Variants in KCNMA1 observed in about 807,000 individuals in gnomAD.
The protein encoded by KCNMA1 is Calcium-activated potassium channel subunit alpha-1.
A neutral mutation model predicts 140.0 loss-of-function variants in KCNMA1; 29 were observed. That is an observed-to-expected ratio of 0.21 (90% confidence interval 0.15 to 0.28). The LOEUF is 0.28. Ranked by LOEUF, KCNMA1 falls within the 10% of genes least tolerant of loss-of-function variation. The probability of loss-of-function intolerance (pLI) is 1.00; values close to 1 mark genes in which losing one functional copy is unlikely to be tolerated. For missense variants in KCNMA1, 880 were observed against 1,602.2 expected, an observed-to-expected ratio of 0.55 and a Z score of 7.70; for synonymous variants, 612 against 611.9, an observed-to-expected ratio of 1.00 and a Z score of 0.00.
At chr10:76,878,438 T>C (rs1481822144) in intron 29 of KCNMA1, among the ~76,000 whole-genome samples, 2 of 152,190 alleles carry the variant, frequency 1.3e-5, no homozygotes, top group Non-Finnish European at 2.9e-5. Flanking sequence ...CACTCTCCTG[T>C]TTCATTTGTA....
chr10:77,014,646 A>G (rs1024513297), intron 17 of KCNMA1, among the ~76,000 whole-genome samples: 2 of 152,020 alleles, frequency 1.3e-5, no homozygotes, highest in African/African-American at 4.8e-5. Flanking sequence ...TAACTTTTGT[A>G]GGTTCCACAT....
At chr10:77,456,793 T>C (rs1439786) in intron 1 of KCNMA1, among the ~76,000 whole-genome samples, 7,975 of 152,184 alleles carry the variant, frequency 0.052, 501 homozygotes, top group African/African-American at 0.15. Flanking sequence ...GGGACACAGT[T>C]GATTCTGGAG....
chr10:76,873,827 G>C (rs577474810), downstream of KCNMA1: 1 of 152,100 alleles, frequency 6.6e-6, no homozygotes, highest in Non-Finnish European at 1.5e-5. Context: ...AATTACATTT[G>C]TGAATGTAAG....
chr10:77,249,875 T>C (rs1278817922), intron 3 of KCNMA1: 1 of 152,184 alleles, frequency 6.6e-6, no homozygotes, highest in African/African-American at 2.4e-5. Flanking sequence ...GCATGTGGAA[T>C]CTTGTCTCCT....
rs567736487 is a variant in KCNMA1 at position 77,222,015 on chromosome 10, T to G, written c.602+29180A>C. On this transcript the variant is annotated intron_variant, in intron 3 of 27. Transcript: ENST00000286628. ...TCTGTAAAATGGTGATCATAACTCC[T>G]TCAGTACAGGATTATTGGGTGACTA... Among the ~76,000 whole-genome samples the G allele has an allele frequency of 4.6e-5, 7 of 152,292 alleles. No homozygotes were observed. The East Asian group carries it at 1.2e-3, about 25-fold the overall frequency.
intron 1 of KCNMA1, among the ~76,000 whole-genome samples, chr10:77,628,614 C>A (rs1041433205): frequency 6.6e-6 from 1 of 151,726 alleles, no homozygotes; most frequent in Non-Finnish European, 1.5e-5. Flanking sequence ...TGCACTCCAG[C>A]CTGCCAGCCT....
At chr10:77,159,755 G>C (rs1488257626) in intron 5 of KCNMA1, among the ~76,000 whole-genome samples, 1 of 152,052 alleles carries the variant, frequency 6.6e-6, no homozygotes, top group African/African-American at 2.4e-5. Context: ...CCTGGGACAC[G>C]TCAGGCTGTC....
intron 1 of KCNMA1, among the ~76,000 whole-genome samples, chr10:77,427,410 C>T (rs1374519405): frequency 6.6e-6 from 1 of 152,192 alleles, no homozygotes; most frequent in Non-Finnish European, 1.5e-5. Flanking sequence ...CAGTGCCCTC[C>T]CCTGGAAGGG....
intron 1 of KCNMA1, among the ~76,000 whole-genome samples, chr10:77,526,566 C>T (rs774248148): frequency 6.6e-5 from 10 of 152,148 alleles, no homozygotes; most frequent in African/African-American, 9.7e-5. Flanking sequence ...GTTAGTGGCC[C>T]GATCATTCCT....
chr10:77,313,767 G>GT (rs1408628756), intron 2 of KCNMA1, among the ~76,000 whole-genome samples: 1 of 152,166 alleles, frequency 6.6e-6, no homozygotes, highest in Non-Finnish European at 1.5e-5. Flanking sequence ...GAATCAATGA[G>GT]TAAGTGAATT....
In KCNMA1 at chr10:77,112,626, C is replaced by T. The variant is rs1271175617; in HGVS notation, c.885-184G>A. Reference sequence around the variant, plus strand: ...TGCTGGGATGAAGGTCAGGACAGAGCCTAGAGGAACAAATTTAACTTTGGT... The same window carrying T: ...TGCTGGGATGAAGGTCAGGACAGAGTCTAGAGGAACAAATTTAACTTTGGT... On this transcript the variant is annotated intron_variant, in intron 6 of 27. Coordinates refer to ENST00000286628, the MANE Select transcript of KCNMA1 (RefSeq NM_001161352.2). 2.6e-5 allele frequency among the ~76,000 whole-genome samples: 4 copies of T among 152,034 alleles called. No individual in the cohort carries two copies. In the East Asian group the frequency reaches 7.7e-4, roughly 29 times the overall value.
At chr10:77,538,102 C>T (rs2059343452) in intron 1 of KCNMA1, among the ~76,000 whole-genome samples, 1 of 151,530 alleles carries the variant, frequency 6.6e-6, no homozygotes, top group Non-Finnish European at 1.5e-5. Flanking sequence ...CATTCACATA[C>T]TCTACACACA....
intron 1 of KCNMA1, among the ~76,000 whole-genome samples, chr10:77,453,414 T>C (rs2097700398): frequency 6.6e-6 from 1 of 152,004 alleles, no homozygotes; most frequent in South Asian, 2.1e-4. Context: ...CATTCAAAGA[T>C]TCTCCAAAGA....
At chr10:77,437,117 G>C (rs2097282095) in intron 1 of KCNMA1, among the ~76,000 whole-genome samples, 2 of 152,058 alleles carry the variant, frequency 1.3e-5, no homozygotes, top group Non-Finnish European at 2.9e-5. Context: ...AATTTATCTT[G>C]ACCACCAGAC....
At chr10:77,284,650 A>T (rs1308100685) in intron 2 of KCNMA1, among the ~76,000 whole-genome samples, 1 of 151,988 alleles carries the variant, frequency 6.6e-6, no homozygotes, top group Non-Finnish European at 1.5e-5. Context: ...AGTAGCCGGG[A>T]TTACAGGCAC....
chr10:77,035,364 C>T (rs1247066285), intron 15 of KCNMA1, among the ~76,000 whole-genome samples: 1 of 152,194 alleles, frequency 6.6e-6, no homozygotes, highest in East Asian at 1.9e-4. Flanking sequence ...GTCCCTATAA[C>T]TCTCAGCATC....
At chr10:77,516,761 G>A (rs1475488160) in intron 1 of KCNMA1, among the ~76,000 whole-genome samples, 3 of 152,164 alleles carry the variant, frequency 2.0e-5, no homozygotes, top group African/African-American at 7.2e-5. Flanking sequence ...GCAGGTGAAG[G>A]GCCCCCTGTG....
At chr10:77,597,076 G>A (rs988264205) in intron 1 of KCNMA1, among the ~76,000 whole-genome samples, 1 of 152,014 alleles carries the variant, frequency 6.6e-6, no homozygotes, top group South Asian at 2.1e-4. Context: ...TAGGAATTCC[G>A]CTCTCTCAAC....
chr10:77,197,661 C>T (rs1421608150), intron 3 of KCNMA1, among the ~76,000 whole-genome samples: 1 of 152,070 alleles, frequency 6.6e-6, no homozygotes, highest in African/African-American at 2.4e-5. Flanking sequence ...TCAGGGCCAT[C>T]GGGGAAAGCA....
Sources: gnomAD v4.1 joint callset for allele counts (sites outside exome capture counted in the v4.1 genomes callset) on GRCh38, gnomAD v4.1.1 for gene constraint, MANE v1.5 for transcripts, NCBI Gene and HGNC (gene_info 2026-07-23, HGNC 2026-07-21) for gene names.